CLSTN2: variants seen among roughly 807,000 people sequenced by gnomAD.
The protein encoded by CLSTN2 is calsyntenin 2.
A neutral mutation model predicts 101.2 loss-of-function variants in CLSTN2; 48 were observed. The ratio of observed to expected loss-of-function variants is 0.47; its 90% CI spans 0.38 to 0.60. CLSTN2 has a LOEUF of 0.60. Ranked by LOEUF, CLSTN2 falls within the 20% of genes least tolerant of loss-of-function variation. CLSTN2 has a pLI of 0.00. For synonymous variants in CLSTN2, 481 were observed against 463.6 expected (o/e 1.04, Z -0.48); for missense variants, 1,160 against 1,238.2 (o/e 0.94, Z 0.95).
intron 8 of CLSTN2, among the ~76,000 whole-genome samples, chr3:140,498,092 C>A (rs1351010498): frequency 2.0e-5 from 3 of 152,298 alleles, no homozygotes; most frequent in East Asian, 1.9e-4. Flanking sequence ...ATTCTCTATG[C>A]GACATGGACT....
At chr3:140,485,469 ACT>A (rs1934218067) in intron 8 of CLSTN2, among the ~76,000 whole-genome samples, 1 of 151,910 alleles carries the variant, frequency 6.6e-6, no homozygotes, top group Non-Finnish European at 1.5e-5. Context: ...GAGAACCACT[ACT>A]CTCTTCAAAG....
intron 2 of CLSTN2, among the ~76,000 whole-genome samples, chr3:140,203,741 A>C (rs1397100625): frequency 1.3e-5 from 2 of 152,180 alleles, no homozygotes; most frequent in Non-Finnish European, 2.9e-5. Flanking sequence ...TTCTCCTGGC[A>C]GTGCTTGTTT....
At chr3:140,213,072 C>A (rs2010877898) in intron 2 of CLSTN2, among the ~76,000 whole-genome samples, 1 of 152,210 alleles carries the variant, frequency 6.6e-6, no homozygotes, top group South Asian at 2.1e-4. Flanking sequence ...GCCATTAGCA[C>A]TTTTCCTTTC....
At chr3:140,227,917 C>G (rs907135023) in intron 2 of CLSTN2, among the ~76,000 whole-genome samples, 1 of 152,178 alleles carries the variant, frequency 6.6e-6, no homozygotes, top group Non-Finnish European at 1.5e-5. Flanking sequence ...GCATAGGTAC[C>G]CTGGGCCTGG....
intron 2 of CLSTN2, among the ~76,000 whole-genome samples, chr3:140,391,369 G>T (rs114175579): frequency 2.8e-5 from 4 of 141,846 alleles, no homozygotes; most frequent in African/African-American, 1.1e-4. Context: ...CTATTTGCGT[G>T]GGGGGGTGGG....
chr3:140,439,041 A>G (rs1217782079), intron 5 of CLSTN2, among the ~76,000 whole-genome samples: 1 of 152,218 alleles, frequency 6.6e-6, no homozygotes, highest in Non-Finnish European at 1.5e-5. Flanking sequence ...CACAGGCTCT[A>G]AAGAGGTGGT....
intron 2 of CLSTN2, among the ~76,000 whole-genome samples, chr3:140,327,738 G>A (rs1396404425): frequency 1.3e-5 from 2 of 152,118 alleles, no homozygotes; most frequent in Non-Finnish European, 2.9e-5. Context: ...GTGTTTTTGT[G>A]GGGATTAAGT....
chr3:140,535,009 A>G (rs1381176261), intron 9 of CLSTN2, among the ~76,000 whole-genome samples: 1 of 152,230 alleles, frequency 6.6e-6, no homozygotes, highest in Non-Finnish European at 1.5e-5. Context: ...AGATGCACAG[A>G]GGCCTACAGC....
At chr3:140,383,195 C>T (rs2088006023) in intron 2 of CLSTN2, among the ~76,000 whole-genome samples, 1 of 152,144 alleles carries the variant, frequency 6.6e-6, no homozygotes, top group Non-Finnish European at 1.5e-5. Flanking sequence ...GTATGACACT[C>T]AGTTGACCAG....
chr3:140,533,577 G>A (rs1047477950), intron 9 of CLSTN2, among the ~76,000 whole-genome samples: 1 of 152,058 alleles, frequency 6.6e-6, no homozygotes, highest in African/African-American at 2.4e-5. Context: ...CGGGCATGGT[G>A]GCGGGTGCTT....
chr3:140,475,527 A>G (rs956852641), intron 8 of CLSTN2, among the ~76,000 whole-genome samples: 3 of 152,248 alleles, frequency 2.0e-5, no homozygotes, highest in African/African-American at 7.2e-5. Flanking sequence ...AGAAGAATCC[A>G]CACTCTCAGT....
At chr3:140,035,796 G>A (rs1407833672) in intron 1 of CLSTN2, among the ~76,000 whole-genome samples, 5 of 152,164 alleles carry the variant, frequency 3.3e-5, no homozygotes, top group Admixed American at 2.0e-4. Context: ...TGCAAGACCT[G>A]CCCTCTGCCT....
chr3:140,109,087 G>T (rs2009109987), intron 1 of CLSTN2, among the ~76,000 whole-genome samples: 1 of 152,226 alleles, frequency 6.6e-6, no homozygotes, highest in African/African-American at 2.4e-5. Context: ...CCTAGGCACT[G>T]TGGTTCATGG....
intron 1 of CLSTN2, among the ~76,000 whole-genome samples, chr3:140,067,785 C>T (rs977919721): frequency 6.6e-6 from 1 of 152,176 alleles, no homozygotes; most frequent in Non-Finnish European, 1.5e-5. Flanking sequence ...ATATTTTTGC[C>T]TCATTGACTT....
chr3:140,164,187 T>C (rs2010096996), intron 1 of CLSTN2, among the ~76,000 whole-genome samples: 2 of 150,312 alleles, frequency 1.3e-5, no homozygotes, highest in South Asian at 4.1e-4. Flanking sequence ...AATGATCTTT[T>C]TCTGCATGGC....
chr3:140,535,386 A>G (rs72976065), intron 9 of CLSTN2, among the ~76,000 whole-genome samples: 8,344 of 152,342 alleles, frequency 0.055, 770 homozygotes, highest in African/African-American at 0.19. Flanking sequence ...TTGTCACTCC[A>G]TAAATAGCTG....
rs938019931 is a variant in CLSTN2, at chr3:140,546,366, C to T, written c.1508-149C>T. The T allele has an allele frequency of 9.4e-5, 67 of 712,860 alleles. 1 individual carries two copies. The South Asian group carries it at 1.3e-3, about 14-fold the overall frequency. 44.2% of individuals were successfully genotyped at this position (712,860 alleles called of 1,614,324 possible). The stretch of plus-strand genomic sequence containing the variant: ...CAGCGTATAACTTCTTACTGAGATT[C>T]TGGCTACTGTGTTCATCACTCAGAA... On this transcript the variant is annotated intron_variant, in intron 9 of 16. Coordinates refer to ENST00000458420, the MANE Select transcript of CLSTN2 (RefSeq NM_022131.3).
At chr3:140,010,375 A>G (rs561599667) in intron 1 of CLSTN2, among the ~76,000 whole-genome samples, 1 of 152,184 alleles carries the variant, frequency 6.6e-6, no homozygotes, top group Non-Finnish European at 1.5e-5. Context: ...GGCTTTAGAC[A>G]TGGCTGCATT....
intron 5 of CLSTN2, among the ~76,000 whole-genome samples, chr3:140,430,286 C>T (rs1005345445): frequency 6.6e-6 from 1 of 152,128 alleles, no homozygotes; most frequent in Admixed American, 6.5e-5. Context: ...GAAAATACCT[C>T]CTGCAGGAGT....
Sources: gnomAD v4.1 joint callset for allele counts (sites outside exome capture counted in the v4.1 genomes callset) on GRCh38, gnomAD v4.1.1 for gene constraint, MANE v1.5 for transcripts, NCBI Gene and HGNC (gene_info 2026-07-23, HGNC 2026-07-21) for gene names.